The following PKNOX2 variants were observed in gnomAD, a reference collection of about 807,000 sequenced individuals.
PKNOX2 encodes PBX/knotted 1 homeobox 2.
PKNOX2 carries 14 observed loss-of-function variants against 53.1 expected under a neutral mutation model. That is an observed-to-expected ratio of 0.26 (90% CI 0.17 to 0.41). The LOEUF (loss-of-function observed/expected upper bound fraction) is 0.41, where lower values mean the gene tolerates loss of function less well. PKNOX2 is among the 10% of genes least tolerant of loss of function. The probability of loss-of-function intolerance (pLI) is 1.00; values close to 1 mark genes in which losing one functional copy is unlikely to be tolerated. For synonymous variants in PKNOX2, 257 were observed against 242.8 expected (o/e 1.06, Z -0.54); for missense variants, 496 against 602.8 (o/e 0.82, Z 1.85).
intron 7 of PKNOX2, among the ~76,000 whole-genome samples, chr11:125,399,692 A>G (rs1954621710): frequency 6.6e-6 from 1 of 152,218 alleles, no homozygotes; most frequent in Admixed American, 6.5e-5. Context: ...ATATCAGAAA[A>G]TTAGCACAAG....
Position 125,361,654 on chromosome 11 carries a change from T to C in PKNOX2, c.88-6192T>C, listed in dbSNP as rs138214080. ...GTATACATGTGCCATGTTGGTGTGC[T>C]GCACCCATTAACTCATCATTTACAT... On this transcript the variant is annotated intron_variant, in intron 4 of 12. Transcript: ENST00000298282. Among the ~76,000 whole-genome samples the C allele has an allele frequency of 9.3e-3, 1,424 of 152,352 alleles. 22 individuals are homozygous for C. Among genetic ancestry groups the C allele is most frequent in the African/African-American group, 0.031 (1,287 of 41,576 alleles).
chr11:125,419,962 G>A lies in PKNOX2; in HGVS notation c.936+8097G>A, dbSNP rs566695997. ...GCACTTTGGGAGGCTGAGGTGAGTG[G>A]ATAGCCTGAGTCTAAGAATTCGAGA... is the stretch of plus-strand genomic sequence containing the variant. On this transcript the variant is annotated intron_variant, in intron 10 of 12. Transcript: ENST00000298282. Among the ~76,000 whole-genome samples the A allele has an allele frequency of 2.7e-4, 41 of 151,478 alleles. No individual in the cohort carries two copies. In the South Asian group the frequency reaches 7.9e-3, roughly 29 times the overall value.
At chr11:125,360,130 G>T (rs1380573741) in intron 4 of PKNOX2, among the ~76,000 whole-genome samples, 1 of 147,260 alleles carries the variant, frequency 6.8e-6, no homozygotes, top group East Asian at 2.0e-4. Flanking sequence ...TGGGCAACAA[G>T]AGCGAAACTC....
intron 7 of PKNOX2, among the ~76,000 whole-genome samples, chr11:125,405,806 C>T (rs555847689): frequency 2.6e-5 from 4 of 152,292 alleles, no homozygotes; most frequent in East Asian, 1.9e-4. Context: ...GGAGTGGGGC[C>T]GCTTCCAGGG....
intron 2 of PKNOX2, among the ~76,000 whole-genome samples, chr11:125,328,170 T>A (rs1474919385): frequency 6.6e-6 from 1 of 152,122 alleles, no homozygotes; most frequent in East Asian, 1.9e-4. Context: ...CTTCCTCCCC[T>A]CCCCAGCCCT....
intron 1 of PKNOX2, among the ~76,000 whole-genome samples, chr11:125,171,886 A>C (rs1023080570): frequency 6.6e-6 from 1 of 152,240 alleles, no homozygotes; most frequent in Non-Finnish European, 1.5e-5. Context: ...GAGAGGGCAC[A>C]TACAATACAC....
In PKNOX2 at chr11:125,367,951, G is replaced by A. The variant is rs1194024142; in HGVS notation, c.193G>A (p.Ala65Thr). The A allele has an allele frequency of 1.2e-6, 2 of 1,613,032 alleles. No homozygotes were observed. Among genetic ancestry groups the A allele is most frequent in the Non-Finnish European group, 1.7e-6 (2 of 1,179,584 alleles). ...GCCCAGTGCCCCCATCGACCCCCAG[G>A]CCCAGCTGGAGGCTGACAAGCGAGC... ...PVPSAPIDPQ[A>T]QLEADKRAVY... Residue 65 changes from alanine (A) to threonine (T), a missense_variant, in exon 5 of 13, where the codon GCC becomes ACC. Transcript: ENST00000298282.
At chr11:125,286,713 C>T (rs1946924006) in intron 2 of PKNOX2, among the ~76,000 whole-genome samples, 2 of 152,218 alleles carry the variant, frequency 1.3e-5, no homozygotes, top group South Asian at 4.1e-4. Context: ...CCTGTTCTTC[C>T]TCCCTTGCCC....
intron 7 of PKNOX2, among the ~76,000 whole-genome samples, chr11:125,408,986 C>T (rs1434062086): frequency 3.9e-5 from 6 of 152,190 alleles, no homozygotes; most frequent in African/African-American, 7.2e-5. Flanking sequence ...TCACGCCTTA[C>T]GATTCCAGCA....
chr11:125,346,011 G>C lies in PKNOX2; in HGVS notation c.-22-5273G>C, dbSNP rs114354798. ...CGTTGGGGCTGAGGGAAAAAGAGAC[G>C]GATTGCGCCAGGGTTGAGGAGGCTG... On this transcript the variant is annotated intron_variant, in intron 3 of 12. Transcript: ENST00000298282. 6.8e-3 allele frequency among the ~76,000 whole-genome samples: 1,038 copies of C among 152,298 alleles called. 13 individuals carry two copies. Among genetic ancestry groups the C allele is most frequent in the African/African-American group, 0.023 (975 of 41,560 alleles).
At chr11:125,301,169 G>C (rs1301637975) in intron 2 of PKNOX2, among the ~76,000 whole-genome samples, 1 of 152,136 alleles carries the variant, frequency 6.6e-6, no homozygotes, top group Non-Finnish European at 1.5e-5. Context: ...GCTGTTTGGA[G>C]CTCAGATCAG....
rs1324364394 is a variant in PKNOX2 at position 125,359,437 on chromosome 11, G to A, written c.87+8045G>A. Among the ~76,000 whole-genome samples, 11 of 151,938 alleles carry A rather than the reference G, an allele frequency of 7.2e-5. No individual in the cohort carries two copies. In the East Asian group the frequency reaches 7.7e-4, roughly 11 times the overall value. On this transcript the variant is annotated intron_variant, in intron 4 of 12. Coordinates refer to ENST00000298282, the MANE Select transcript of PKNOX2 (RefSeq NM_001382323.2). ...TTTCTTCTCTTTGTGCACCTTGACC[G>A]CTCTCTCTGCCTGCTTGAGCCACCC...
intron 2 of PKNOX2, among the ~76,000 whole-genome samples, chr11:125,248,880 T>C (rs1943770693): frequency 7.6e-6 from 1 of 131,952 alleles, no homozygotes; most frequent in Admixed American, 7.9e-5. Flanking sequence ...ATAACGTATA[T>C]ATATAACATA....
At chr11:125,410,413 T>C in intron 8 of PKNOX2, 88 bp downstream of exon 8, 1 of 1,547,054 alleles carries the variant, frequency 6.5e-7, no homozygotes, top group East Asian at 2.3e-5. Flanking sequence ...GTGGGGGTTG[T>C]CCTCCACCGA....
chr11:125,242,284 C>A (rs1316289753), intron 2 of PKNOX2, among the ~76,000 whole-genome samples: 1 of 152,156 alleles, frequency 6.6e-6, no homozygotes, highest in African/African-American at 2.4e-5. Flanking sequence ...CACTGGGGAA[C>A]CCCAGGAGCA....
At chr11:125,344,051 A>C (rs1429650387) in intron 3 of PKNOX2, among the ~76,000 whole-genome samples, 1 of 152,124 alleles carries the variant, frequency 6.6e-6, no homozygotes, top group Non-Finnish European at 1.5e-5. Context: ...TGATGGACCC[A>C]GTGCTGGGGC....
intron 1 of PKNOX2, among the ~76,000 whole-genome samples, chr11:125,225,349 T>C (rs1448472225): frequency 1.3e-5 from 2 of 152,220 alleles, no homozygotes. Flanking sequence ...AAGGATCTGA[T>C]GCTCAGAAAA....
chr11:125,337,373 T>C (rs1950481648), intron 3 of PKNOX2, among the ~76,000 whole-genome samples: 1 of 152,246 alleles, frequency 6.6e-6, no homozygotes, highest in South Asian at 2.1e-4. Context: ...ATTTTTTATA[T>C]CAACGAGTGG....
intron 7 of PKNOX2, among the ~76,000 whole-genome samples, chr11:125,405,103 C>T (rs796880483): frequency 6.6e-6 from 1 of 152,162 alleles, no homozygotes; most frequent in African/African-American, 2.4e-5. Context: ...GCACTGCACC[C>T]CACTCCGGCC....
Sources: gnomAD v4.1 joint callset for allele counts (sites outside exome capture counted in the v4.1 genomes callset) on GRCh38, gnomAD v4.1.1 for gene constraint, MANE v1.5 for transcripts, NCBI Gene and HGNC (gene_info 2026-07-23, HGNC 2026-07-21) for gene names.